Variants in GPM6A observed in about 807,000 individuals in gnomAD.
GPM6A encodes the protein glycoprotein M6A.
In GPM6A, 7 loss-of-function variants were observed where a neutral mutation model predicts 32.1. The ratio of observed to expected loss-of-function variants is 0.22; its 90% CI spans 0.12 to 0.41. The LOEUF (loss-of-function observed/expected upper bound fraction) is 0.41, where lower values mean the gene tolerates loss of function less well. Ranked by LOEUF, GPM6A falls within the 10% of genes least tolerant of loss-of-function variation. The probability of loss-of-function intolerance (pLI) is 1.00; values close to 1 mark genes in which losing one functional copy is unlikely to be tolerated. For synonymous variants in GPM6A, 130 were observed against 123.4 expected (o/e 1.05, Z -0.35); for missense variants, 235 against 347.2 (o/e 0.68, Z 2.57).
Position 175,708,471 on chromosome 4 carries a change from C to T in GPM6A, c.38-6704G>A, listed in dbSNP as rs575546485. 7.9e-5 allele frequency among the ~76,000 whole-genome samples: 12 copies of T among 151,826 alleles called. No individual in the cohort carries two copies. The South Asian group carries it at 2.1e-3, about 26-fold the overall frequency. ...CGCAATCTTGGCTCACTGCAACCTC[C>T]GCCTCCTGGGTTCAAGCGATTCTCC... On this transcript the variant is annotated intron_variant, in intron 1 of 6. Coordinates refer to ENST00000393658, the MANE Select transcript of GPM6A (RefSeq NM_201591.3).
chr4:175,676,476 C>T (rs1244904430), intron 2 of GPM6A, among the ~76,000 whole-genome samples: 2 of 152,168 alleles, frequency 1.3e-5, no homozygotes, highest in African/African-American at 2.4e-5. Context: ...TGGGTGGGGG[C>T]AGTGGCTCAC....
intron 1 of GPM6A, among the ~76,000 whole-genome samples, chr4:175,928,804 A>G (rs979818320): frequency 6.6e-6 from 1 of 152,216 alleles, no homozygotes; most frequent in African/African-American, 2.4e-5. Flanking sequence ...TTGGTTTTAT[A>G]GTATAGTTTG....
chr4:175,634,866 C>G lies in GPM6A; in HGVS notation c.*39G>C. 2 of 1,580,024 alleles carry G rather than the reference C, an allele frequency of 1.3e-6. No homozygotes were observed. The highest frequency in any genetic ancestry group is 2.2e-5 in the South Asian group (2 of 89,984). ...TGGTTGGATGGCCCTTAGTTAAACA[C>G]CAATGCATTCAAATGGTAGAAAGAA... On this transcript the variant is annotated 3_prime_UTR_variant, in exon 7 of 7. Coordinates refer to ENST00000393658, the MANE Select transcript of GPM6A (RefSeq NM_201591.3).
intron 1 of GPM6A, among the ~76,000 whole-genome samples, chr4:175,797,805 C>T (rs1181906011): frequency 1.3e-5 from 2 of 152,118 alleles, no homozygotes; most frequent in East Asian, 3.8e-4. Flanking sequence ...TAAATGATTG[C>T]AATCTCTGAA....
chr4:175,746,679 C>A (rs1732116732), intron 1 of GPM6A, among the ~76,000 whole-genome samples: 1 of 151,970 alleles, frequency 6.6e-6, no homozygotes, highest in Admixed American at 6.6e-5. Context: ...TATTTCTAAA[C>A]CTATGCCAAA....
intron 1 of GPM6A, among the ~76,000 whole-genome samples, chr4:175,727,132 CT>C (rs1321524149): frequency 2.0e-5 from 3 of 152,042 alleles, no homozygotes; most frequent in Non-Finnish European, 4.4e-5. Context: ...CTACATTTCA[CT>C]GAAGGAAAGG....
At chr4:175,715,826 G>T (rs920668350) in intron 1 of GPM6A, among the ~76,000 whole-genome samples, 7 of 151,956 alleles carry the variant, frequency 4.6e-5, no homozygotes, top group Non-Finnish European at 1.0e-4. Flanking sequence ...AGCACTTTGG[G>T]AGGCCAAGGC....
At chr4:175,972,782 T>C (rs1740547244) in intron 1 of GPM6A, among the ~76,000 whole-genome samples, 1 of 152,190 alleles carries the variant, frequency 6.6e-6, no homozygotes, top group African/African-American at 2.4e-5. Context: ...AAAGTTTCCT[T>C]TCTTGATTAT....
chr4:175,896,654 T>C (rs1051485058), intron 1 of GPM6A, among the ~76,000 whole-genome samples: 5 of 152,174 alleles, frequency 3.3e-5, no homozygotes, highest in African/African-American at 1.2e-4. Context: ...GCTTCTGTTT[T>C]CTGCCTTGCA....
chr4:175,713,598 C>T (rs760120797), intron 1 of GPM6A, among the ~76,000 whole-genome samples: 1 of 152,082 alleles, frequency 6.6e-6, no homozygotes, highest in Non-Finnish European at 1.5e-5. Flanking sequence ...CTAAAAAGAG[C>T]ACAAAGTCAA....
At chr4:175,866,985 A>G (rs946266927) in intron 1 of GPM6A, among the ~76,000 whole-genome samples, 2 of 152,096 alleles carry the variant, frequency 1.3e-5, no homozygotes, top group African/African-American at 4.8e-5. Context: ...TTGTTTTAAT[A>G]CTCATTTCCC....
At chr4:175,651,362 G>GT (rs11346196) in intron 4 of GPM6A, among the ~76,000 whole-genome samples, 1,985 of 151,168 alleles carry the variant, frequency 0.013, 28 homozygotes, top group Middle Eastern at 0.051. Flanking sequence ...TTTATTTAGC[G>GT]TTTTTTTTTT....
chr4:175,722,506 G>A (rs1157984248), intron 1 of GPM6A, among the ~76,000 whole-genome samples: 1 of 152,036 alleles, frequency 6.6e-6, no homozygotes, highest in Non-Finnish European at 1.5e-5. Flanking sequence ...AATCCACCAC[G>A]GATCGCGGCT....
intron 3 of GPM6A, among the ~76,000 whole-genome samples, chr4:175,659,011 T>A (rs1742247127): frequency 6.6e-6 from 1 of 152,056 alleles, no homozygotes; most frequent in Non-Finnish European, 1.5e-5. Context: ...GGGCTGAAAA[T>A]ATGTTACCTT....
intron 1 of GPM6A, among the ~76,000 whole-genome samples, chr4:175,890,033 C>T (rs972005189): frequency 6.6e-6 from 1 of 151,972 alleles, no homozygotes; most frequent in African/African-American, 2.4e-5. Context: ...ATTGGAAATA[C>T]CAAATGGCCA....
intron 1 of GPM6A, among the ~76,000 whole-genome samples, chr4:175,716,807 T>C (rs1745865861): frequency 6.6e-6 from 1 of 152,192 alleles, no homozygotes; most frequent in Non-Finnish European, 1.5e-5. Flanking sequence ...CTTAAAGGAA[T>C]TTATGATCAC....
At chr4:175,992,716 A>G (rs1741189847) in intron 1 of GPM6A, among the ~76,000 whole-genome samples, 1 of 152,226 alleles carries the variant, frequency 6.6e-6, no homozygotes, top group African/African-American at 2.4e-5. Flanking sequence ...ATTTATCTAT[A>G]TATTCCTAAA....
At chr4:175,840,608 A>C (rs779177742) in intron 1 of GPM6A, among the ~76,000 whole-genome samples, 1 of 152,204 alleles carries the variant, frequency 6.6e-6, no homozygotes, top group Non-Finnish European at 1.5e-5. Context: ...CAGGAGGCGG[A>C]GGTTTCAGTG....
At chr4:175,985,337 AC>A (rs754331369) in intron 1 of GPM6A, among the ~76,000 whole-genome samples, 4 of 152,130 alleles carry the variant, frequency 2.6e-5, no homozygotes, top group African/African-American at 4.8e-5. Context: ...TTAGTATAAA[AC>A]TTTTTGCTAT....
Sources: gnomAD v4.1 joint callset for allele counts (sites outside exome capture counted in the v4.1 genomes callset) on GRCh38, gnomAD v4.1.1 for gene constraint, MANE v1.5 for transcripts, NCBI Gene and HGNC (gene_info 2026-07-23, HGNC 2026-07-21) for gene names.